Variants in KPNB1 observed in about 807,000 individuals in gnomAD.
KPNB1 encodes the protein karyopherin subunit beta 1.
In KPNB1, 7 loss-of-function variants were observed where a neutral mutation model predicts 113.0. The observed-to-expected ratio is 0.06, with a 90% CI of 0.04 to 0.12. KPNB1 has a LOEUF of 0.12. Ranked by LOEUF, KPNB1 falls within the 10% of genes least tolerant of loss-of-function variation. The pLI is 1.00. For missense variants in KPNB1, 400 were observed against 1,054.8 expected, an observed-to-expected ratio of 0.38 and a Z score of 8.60; for synonymous variants, 363 against 378.6, an observed-to-expected ratio of 0.96 and a Z score of 0.48.
chr17:47,652,106 G>A (rs1212072579), intron 2 of KPNB1, among the ~76,000 whole-genome samples: 1 of 152,022 alleles, frequency 6.6e-6, no homozygotes, highest in Non-Finnish European at 1.5e-5. Flanking sequence ...CGGAGGATGA[G>A]GCTCCTAAGT....
At chr17:47,654,587 A>G (rs1041525895) in intron 3 of KPNB1, among the ~76,000 whole-genome samples, 14 of 152,112 alleles carry the variant, frequency 9.2e-5, no homozygotes, top group Admixed American at 8.5e-4. Flanking sequence ...TTGGGGCACA[A>G]TTGGGAGCTA....
intron 11 of KPNB1, chr17:47,670,363 G>A (rs2030409316): frequency 4.3e-6 from 1 of 232,900 alleles, no homozygotes. Flanking sequence ...AAAGTACTCT[G>A]CTGCTTAGAG....
At chr17:47,673,391 T>A in intron 13 of KPNB1, 99 bp from the exon 14 acceptor site, 1 of 1,092,186 alleles carries the variant, frequency 9.2e-7, no homozygotes, top group African/African-American at 1.6e-5. Flanking sequence ...TTGTTGCTGT[T>A]GTTTACTTTC....
chr17:47,663,830 C>CA (rs141406542), intron 7 of KPNB1, among the ~76,000 whole-genome samples: 4,055 of 151,902 alleles, frequency 0.027, 177 homozygotes, highest in African/African-American at 0.09. Context: ...ACAAAAAATA[C>CA]AAAAATAAGC....
chr17:47,670,696 T>C lies in KPNB1; in HGVS notation c.1417-6T>C. On this transcript the variant is annotated splice_polypyrimidine_tract_variant and splice_region_variant and intron_variant, in intron 11 of 21. Coordinates refer to ENST00000290158, the MANE Select transcript of KPNB1 (RefSeq NM_002265.6). The stretch of plus-strand genomic sequence containing the variant: ...AGGATTAACATTGAACCTATGTGCA[T>C]TTCAGGCTTTCTCCAGTCTGGCTGA... 1 of 1,607,136 alleles carries C rather than the reference T, an allele frequency of 6.2e-7. No individual in the cohort carries two copies. The highest frequency in any genetic ancestry group is 8.5e-7 in the Non-Finnish European group (1 of 1,174,230).
rs541912542 is a variant in KPNB1 at position 47,672,953 on chromosome 17, A to G, written c.1548-65A>G. On this transcript the variant is annotated intron_variant, in intron 12 of 21. Coordinates refer to ENST00000290158, the MANE Select transcript of KPNB1 (RefSeq NM_002265.6). ...CCTGAGTTCTTATTTTTGGCAAGAC[A>G]TTGTCTATGTTCTTCCCTGTCCTTT... The G allele has an allele frequency of 8.4e-5, 125 of 1,488,644 alleles. No individual in the cohort carries two copies. The South Asian group carries it at 1.2e-3, about 15-fold the overall frequency. 92.2% of individuals were successfully genotyped at this position (1,488,644 alleles called of 1,614,324 possible).
chr17:47,659,638 G>A (rs2143108709), intron 5 of KPNB1, among the ~76,000 whole-genome samples: 2 of 152,188 alleles, frequency 1.3e-5, no homozygotes, highest in East Asian at 3.9e-4. Context: ...AGTTTTGTGA[G>A]CTCTTGTGTT....
In KPNB1 at chr17:47,652,856, C is replaced by A. The variant is rs763603802; in HGVS notation, c.262C>A (p.Arg88=). The A allele has an allele frequency of 3.3e-5, 53 of 1,597,084 alleles. 2 individuals are homozygous for A. In the Admixed American group the frequency reaches 9.4e-4, roughly 28 times the overall value. The part of the protein sequence containing the change: ...QRWLAIDANA[R]REVKNYVLQT... ...GTGGCTTGCTATTGATGCTAATGCT[C>A]GACGAGAAGTCAAGAACTATGTGAG... Residue 88 remains arginine, a synonymous_variant, in exon 3 of 22, where the codon CGA becomes AGA. Coordinates refer to ENST00000290158, the MANE Select transcript of KPNB1 (RefSeq NM_002265.6).
At chr17:47,675,361 G>GTGTT (rs2030566872) in intron 15 of KPNB1, among the ~76,000 whole-genome samples, 2 of 88,694 alleles carry the variant, frequency 2.3e-5, no homozygotes, top group African/African-American at 9.3e-5. Context: ...CAGAGGTGTT[G>GTGTT]TTTTTTTTTT....
At chr17:47,673,248 T>A in intron 13 of KPNB1, 83 bp downstream of exon 13, 1 of 1,314,896 alleles carries the variant, frequency 7.6e-7, no homozygotes, top group Non-Finnish European at 1.1e-6. Context: ...GACTGTTCTG[T>A]CTTTTTAGTG....
rs1268669801 is a variant in KPNB1, at chr17:47,656,576, A to T, written c.283-284A>T. 2.0e-5 allele frequency among the ~76,000 whole-genome samples: 3 copies of T among 147,076 alleles called. No individual in the cohort carries two copies. In the Admixed American group the frequency reaches 2.1e-4, roughly 10 times the overall value. Reference sequence around the variant, plus strand: ...TTTTTTGAGCCTGGGCAATATGGTGATGCCCTGTCTCAACAAAAGATAGCT... The same window carrying T: ...TTTTTTGAGCCTGGGCAATATGGTGTTGCCCTGTCTCAACAAAAGATAGCT... On this transcript the variant is annotated intron_variant, in intron 3 of 21. Transcript: ENST00000290158.
intron 17 of KPNB1, 88 bp from the exon 18 acceptor site, chr17:47,677,958 A>T: frequency 7.6e-7 from 1 of 1,308,574 alleles, no homozygotes; most frequent in Non-Finnish European, 1.1e-6. Context: ...TTTAAAATCA[A>T]TAGTTGCTTG....
chr17:47,682,745 C>T lies in KPNB1; in HGVS notation c.*341C>T, dbSNP rs911036975. ...TAGAAGTAGCTTTTCTGTCTTTTGG[C>T]CAGTGCCGAGTGGAATGCCTGGTTT... On this transcript the variant is annotated 3_prime_UTR_variant, in exon 22 of 22. Transcript: ENST00000290158. 13 of 319,896 alleles carry T rather than the reference C, an allele frequency of 4.1e-5. No individual in the cohort carries two copies. Among genetic ancestry groups the T allele is most frequent in the African/African-American group, 2.6e-4 (12 of 45,828 alleles). The allele number at this position is 319,896 out of a possible 1,614,324, so 19.8% of individuals were successfully genotyped here. A position where few individuals can be genotyped will look rare whatever the true frequency, so the allele number is the denominator to read the frequency against.
Position 47,650,233 on chromosome 17 carries a change from G to A in KPNB1, c.-12G>A, listed in dbSNP as rs763635993. On this transcript the variant is annotated 5_prime_UTR_variant, in exon 1 of 22. Coordinates refer to ENST00000290158, the MANE Select transcript of KPNB1 (RefSeq NM_002265.6). ...CGTCTTAGGAGGAGTCGCCGCCGCC[G>A]CCACCTCCGCCATGGAGCTGATCAC... 2 of 1,563,536 alleles carry A rather than the reference G, an allele frequency of 1.3e-6. No individual in the cohort carries two copies. Among genetic ancestry groups the A allele is most frequent in the Admixed American group, 1.9e-5 (1 of 53,034 alleles).
intron 6 of KPNB1, among the ~76,000 whole-genome samples, chr17:47,662,634 C>G (rs2030139673): frequency 6.6e-6 from 1 of 151,758 alleles, no homozygotes; most frequent in Non-Finnish European, 1.5e-5. Flanking sequence ...TTAATCCTAG[C>G]ACTTTAGGTG....
chr17:47,667,420 C>T (rs1368653190), intron 9 of KPNB1, among the ~76,000 whole-genome samples: 1 of 151,924 alleles, frequency 6.6e-6, no homozygotes, highest in African/African-American at 2.4e-5. Flanking sequence ...AGCCACTGCA[C>T]TGCACCTTGC....
At chr17:47,678,599 C>T in intron 19 of KPNB1, 186 bp downstream of exon 19, 1 of 572,376 alleles carries the variant, frequency 1.7e-6, no homozygotes. Context: ...TGTTTTTGCT[C>T]TGCTTCTTCT....
At chr17:47,675,834 C>T (rs955541884) in intron 15 of KPNB1, among the ~76,000 whole-genome samples, 5 of 152,114 alleles carry the variant, frequency 3.3e-5, no homozygotes, top group Non-Finnish European at 7.4e-5. Context: ...GGACCACTCT[C>T]CTGAGGACTA....
intron 11 of KPNB1, chr17:47,670,425 G>T (rs1161013840): frequency 3.5e-6 from 1 of 284,356 alleles, no homozygotes; most frequent in Non-Finnish European, 6.7e-6. Flanking sequence ...TATCAGACAG[G>T]ATTTCTGTGA....
Sources: gnomAD v4.1 joint callset for allele counts (sites outside exome capture counted in the v4.1 genomes callset) on GRCh38, gnomAD v4.1.1 for gene constraint, MANE v1.5 for transcripts, NCBI Gene and HGNC (gene_info 2026-07-23, HGNC 2026-07-21) for gene names.